The following SMG6 variants were observed in gnomAD, a reference collection of about 807,000 sequenced individuals.
SMG6 encodes the protein SMG6 nonsense mediated mRNA decay factor, also known as telomerase-binding protein EST1A.
SMG6 carries 66 observed loss-of-function variants against 142.2 expected under a neutral mutation model. The observed-to-expected ratio is 0.46, with a 90% CI of 0.38 to 0.57. SMG6 has a LOEUF of 0.57. SMG6 is among the 20% of genes least tolerant of loss of function. The pLI, the probability that SMG6 is intolerant of heterozygous loss-of-function variation, is 0.00. For missense variants in SMG6, 1,793 were observed against 1,832.0 expected (o/e 0.98, Z 0.39); for synonymous variants, 779 against 702.4 (o/e 1.11, Z -1.72).
At chr17:2,194,822 G>T (rs142557689) in intron 10 of SMG6, among the ~76,000 whole-genome samples, 1 of 152,202 alleles carries the variant, frequency 6.6e-6, no homozygotes, top group Non-Finnish European at 1.5e-5. Context: ...TGTATTCTCG[G>T]CAGGTTCCAG....
intron 13 of SMG6, among the ~76,000 whole-genome samples, chr17:2,095,751 G>A (rs980332096): frequency 6.6e-6 from 1 of 152,164 alleles, no homozygotes; most frequent in Non-Finnish European, 1.5e-5. Flanking sequence ...CCTTTCAGGC[G>A]GATGGGTCCC....
intron 18 of SMG6, chr17:2,062,954 G>A (rs1402984902): frequency 1.3e-5 from 2 of 152,690 alleles, no homozygotes; most frequent in Non-Finnish European, 2.9e-5. Context: ...GTGGGCAGAG[G>A]GGAAAGGAAG....
At chr17:2,274,939 T>C (rs749556257) in intron 8 of SMG6, among the ~76,000 whole-genome samples, 14 of 145,066 alleles carry the variant, frequency 9.7e-5, no homozygotes, top group Admixed American at 6.4e-4. Flanking sequence ...CCAGGCAACA[T>C]AGCAAGACCT....
chr17:2,170,697 T>C (rs542645860), intron 13 of SMG6, among the ~76,000 whole-genome samples: 1 of 152,344 alleles, frequency 6.6e-6, no homozygotes, highest in South Asian at 2.1e-4. Context: ...ATTCCCAAGA[T>C]GTAGTAGCCA....
chr17:2,121,583 C>CTGTGTGTG (rs1173330822), intron 13 of SMG6, among the ~76,000 whole-genome samples: 33 of 118,290 alleles, frequency 2.8e-4, no homozygotes, highest in South Asian at 2.3e-3. Flanking sequence ...ATGTACATGT[C>CTGTGTGTG]TGTCTGTGTG....
At chr17:2,251,543 A>C (rs2074046388) in intron 8 of SMG6, among the ~76,000 whole-genome samples, 1 of 152,242 alleles carries the variant, frequency 6.6e-6, no homozygotes, top group African/African-American at 2.4e-5. Flanking sequence ...TGTGAATTTA[A>C]GTGTAAAATG....
At chr17:2,189,810 G>A (rs1301445263) in intron 10 of SMG6, among the ~76,000 whole-genome samples, 1 of 152,186 alleles carries the variant, frequency 6.6e-6, no homozygotes, top group Non-Finnish European at 1.5e-5. Flanking sequence ...AGAAGGAGCA[G>A]GCTGCTGCTC....
At chr17:2,289,078 C>CAA (rs34494754) in intron 6 of SMG6, among the ~76,000 whole-genome samples, 17 of 87,970 alleles carry the variant, frequency 1.9e-4, no homozygotes, top group African/African-American at 5.5e-4. Context: ...GACTCTGTCT[C>CAA]AAAAAAAAAA....
intron 13 of SMG6, among the ~76,000 whole-genome samples, chr17:2,125,368 T>C (rs1041780134): frequency 6.6e-6 from 1 of 152,194 alleles, no homozygotes; most frequent in African/African-American, 2.4e-5. Flanking sequence ...AAGACGTCAC[T>C]ACGATCCTAC....
intron 13 of SMG6, among the ~76,000 whole-genome samples, chr17:2,133,412 T>A (rs566680482): frequency 2.6e-5 from 4 of 152,158 alleles, no homozygotes; most frequent in Admixed American, 6.5e-5. Flanking sequence ...AGAGACAATA[T>A]GAAACAGTGG....
intron 13 of SMG6, chr17:2,087,257 G>A (rs2068589483): frequency 7.8e-7 from 1 of 1,286,114 alleles, no homozygotes; most frequent in Non-Finnish European, 1.0e-6. Flanking sequence ...AGCTCGGCTG[G>A]GTACCACAGA....
intron 4 of SMG6, 143 bp from the exon 5 acceptor site, chr17:2,293,120 C>T (rs1436326652): frequency 1.6e-6 from 1 of 623,486 alleles, no homozygotes; most frequent in Non-Finnish European, 2.8e-6. Context: ...TTAGCCTAAA[C>T]CTGACTACCA....
chr17:2,252,030 A>C (rs1281388815), intron 8 of SMG6, among the ~76,000 whole-genome samples: 1 of 150,476 alleles, frequency 6.6e-6, no homozygotes, highest in African/African-American at 2.5e-5. Flanking sequence ...GAACCAGGAG[A>C]CGGAGGTTGC....
At chr17:2,182,077 C>T (rs1282757310) in intron 12 of SMG6, among the ~76,000 whole-genome samples, 1 of 152,146 alleles carries the variant, frequency 6.6e-6, no homozygotes, top group East Asian at 1.9e-4. Flanking sequence ...AGATGGTCTG[C>T]CTCCCCACCC....
chr17:2,191,443 G>A (rs926226651), intron 10 of SMG6, among the ~76,000 whole-genome samples: 1 of 152,158 alleles, frequency 6.6e-6, no homozygotes. Flanking sequence ...GATGTGGGGT[G>A]GGGGAGGAAA....
intron 8 of SMG6, chr17:2,266,113 A>G (rs1235352088): frequency 4.2e-5 from 41 of 985,260 alleles, no homozygotes; most frequent in Non-Finnish European, 4.9e-5. Flanking sequence ...CGTGCCACTC[A>G]AAGTCTTTTA....
At chr17:2,168,136 G>T (rs1308162996) in intron 13 of SMG6, among the ~76,000 whole-genome samples, 1 of 151,888 alleles carries the variant, frequency 6.6e-6, no homozygotes, top group African/African-American at 2.4e-5. Context: ...CCAGAATATT[G>T]GGATTACTGG....
intron 8 of SMG6, among the ~76,000 whole-genome samples, chr17:2,277,374 G>A (rs1017204218): frequency 6.6e-6 from 1 of 151,754 alleles, no homozygotes; most frequent in Non-Finnish European, 1.5e-5. Context: ...CACCGTGTTA[G>A]CCAGGATGGT....
At chr17:2,183,240 G>A (rs9908373) in intron 12 of SMG6, among the ~76,000 whole-genome samples, 51,521 of 150,486 alleles carry the variant, frequency 0.34, 9,308 homozygotes, top group African/African-American at 0.46. Flanking sequence ...AGGTAGGAAG[G>A]CAGGAAGGGA....
Sources: allele counts gnomAD v4.1 joint callset (sites outside exome capture counted in the v4.1 genomes callset), GRCh38; gene constraint gnomAD v4.1.1; transcripts MANE v1.5; gene names NCBI Gene and HGNC (gene_info 2026-07-23, HGNC 2026-07-21).